XPNPEP3: variants seen among roughly 807,000 people sequenced by gnomAD.
XPNPEP3 encodes the protein X-prolyl aminopeptidase 3.
Under a neutral mutation model 60.0 loss-of-function variants are expected in XPNPEP3, and 41 were observed. The observed-to-expected ratio is 0.68, with a 90% CI of 0.53 to 0.89. The LOEUF is 0.89. Ranked by LOEUF, XPNPEP3 falls within the 40% of genes least tolerant of loss-of-function variation. The pLI, the probability that XPNPEP3 is intolerant of heterozygous loss-of-function variation, is 0.00. For missense variants in XPNPEP3, 598 were observed against 638.9 expected (o/e 0.94, Z 0.69); for synonymous variants, 212 against 223.2 (o/e 0.95, Z 0.45).
intron 1 of XPNPEP3, chr22:40,862,648 A>G: frequency 1.0e-6 from 1 of 985,472 alleles, no homozygotes; most frequent in African/African-American, 1.7e-5. Flanking sequence ...TGGAGGAAGT[A>G]GCCTGATATG....
In XPNPEP3 at chr22:40,861,071, A is replaced by G. The variant is rs145402169; in HGVS notation, c.64+3826A>G. The G allele has an allele frequency of 1.5e-5, 23 of 1,580,936 alleles. 1 individual carries two copies. In the African/African-American group the frequency reaches 3.0e-4, roughly 21 times the overall value. ...ATATATTTGAAGAGTCAATTTAACA[A>G]TTCCTTTTGGTAGACTTCTTTTGCA... is the stretch of plus-strand genomic sequence containing the variant. On this transcript the variant is annotated intron_variant, in intron 1 of 9. Coordinates refer to ENST00000357137, the MANE Select transcript of XPNPEP3 (RefSeq NM_022098.4).
At chr22:40,880,183 A>T (rs2058042115) in intron 2 of XPNPEP3, among the ~76,000 whole-genome samples, 1 of 152,128 alleles carries the variant, frequency 6.6e-6, no homozygotes, top group Non-Finnish European at 1.5e-5. Context: ...AAGTACTAAG[A>T]TATAAGTACA....
chr22:40,869,781 A>G (rs1224432694), intron 2 of XPNPEP3, among the ~76,000 whole-genome samples: 1 of 152,192 alleles, frequency 6.6e-6, no homozygotes, highest in Admixed American at 6.5e-5. Context: ...GATTTCTTGC[A>G]CTTAAGGGGT....
At position 40,924,352 on chromosome 22, in the gene XPNPEP3, T is replaced by C. The variant is rs761465518; in HGVS notation, c.1237-10T>C. ...TGCTCTAATGATACTGTGACAATTA[T>C]CTTTTCCAGGCTGCTCGAAAATACT... On this transcript the variant is annotated splice_polypyrimidine_tract_variant and intron_variant, in intron 8 of 9. Coordinates refer to ENST00000357137, the MANE Select transcript of XPNPEP3 (RefSeq NM_022098.4). 1.2e-6 allele frequency: 2 copies of C among 1,614,092 alleles called. No individual in the cohort carries two copies. Among genetic ancestry groups the C allele is most frequent in the East Asian group, 2.2e-5 (1 of 44,882 alleles).
chr22:40,903,195 C>A (rs1272645924), intron 4 of XPNPEP3, among the ~76,000 whole-genome samples: 1 of 152,170 alleles, frequency 6.6e-6, no homozygotes, highest in Non-Finnish European at 1.5e-5. Flanking sequence ...CAGAACAGCT[C>A]AGGCTAATTT....
At chr22:40,886,895 A>C (rs2058071578) in intron 4 of XPNPEP3, among the ~76,000 whole-genome samples, 1 of 151,880 alleles carries the variant, frequency 6.6e-6, no homozygotes, top group South Asian at 2.1e-4. Context: ...TAAGCTCTTG[A>C]GGTCGTATAC....
At chr22:40,877,163 A>G (rs988877152) in intron 2 of XPNPEP3, among the ~76,000 whole-genome samples, 16 of 152,170 alleles carry the variant, frequency 1.1e-4, no homozygotes, top group African/African-American at 3.9e-4. Flanking sequence ...TTTGCTCAAT[A>G]TATGCAAATC....
In XPNPEP3 at chr22:40,926,891, A is replaced by G. The variant is rs1333466052; in HGVS notation, c.*456A>G. On this transcript the variant is annotated 3_prime_UTR_variant, in exon 10 of 10. Transcript: ENST00000357137. The stretch of plus-strand genomic sequence containing the variant: ...TTACCAAGGTCTCTGCCTATGCAAA[A>G]ATTCATCTTTCGGTGATTGTGGGCG... 4.2e-6 allele frequency: 1 copy of G among 238,168 alleles called. No individual in the cohort carries two copies. The highest frequency in any genetic ancestry group is 2.3e-5 in the African/African-American group (1 of 42,858). The allele number at this position is 238,168 out of a possible 1,614,324, so 14.8% of individuals were successfully genotyped here.
In XPNPEP3 at chr22:40,931,771, G is replaced by A. The variant is rs1005345161; in HGVS notation, c.*5336G>A. 6.6e-6 allele frequency: 1 copy of A among 152,088 alleles called. No homozygotes were observed. Among genetic ancestry groups the A allele is most frequent in the African/African-American group, 2.4e-5 (1 of 41,406 alleles). The allele number at this position is 152,088 out of a possible 1,614,324, so 9.4% of individuals were successfully genotyped here. On this transcript the variant is annotated 3_prime_UTR_variant, in exon 10 of 10. Coordinates refer to ENST00000357137, the MANE Select transcript of XPNPEP3 (RefSeq NM_022098.4). The stretch of plus-strand genomic sequence containing the variant: ...CTCCTCTCATAATCATAGTATCCAC[G>A]TTAGGAAAATGCTTCTGAGAGTAAC...
intron 2 of XPNPEP3, among the ~76,000 whole-genome samples, chr22:40,880,734 A>G (rs2058044147): frequency 6.6e-6 from 1 of 150,938 alleles, no homozygotes; most frequent in Non-Finnish European, 1.5e-5. Context: ...AGGCTGAGGC[A>G]GGCCAAGATT....
chr22:40,887,263 G>T lies in XPNPEP3; in HGVS notation c.792+748G>T, dbSNP rs374103828. On this transcript the variant is annotated intron_variant, in intron 4 of 9. Coordinates refer to ENST00000357137, the MANE Select transcript of XPNPEP3 (RefSeq NM_022098.4). ...CAGCCAATGGCTGTCTCAAAGCAAG[G>T]AGTCTAGAGAAGCCAGGTGCAGGCT... Among the ~76,000 whole-genome samples, 27 of 152,254 alleles carry T rather than the reference G, an allele frequency of 1.8e-4. No individual in the cohort carries two copies. The East Asian group carries it at 3.5e-3, about 20-fold the overall frequency.
intron 4 of XPNPEP3, among the ~76,000 whole-genome samples, chr22:40,897,282 C>T (rs1208787832): frequency 6.6e-6 from 1 of 152,088 alleles, no homozygotes; most frequent in Non-Finnish European, 1.5e-5. Flanking sequence ...CCCACCTCGG[C>T]CTCCCAAAGT....
chr22:40,896,262 C>T (rs151059327), intron 4 of XPNPEP3, among the ~76,000 whole-genome samples: 4 of 152,114 alleles, frequency 2.6e-5, no homozygotes, highest in Non-Finnish European at 4.4e-5. Flanking sequence ...CTCCTGAGCT[C>T]GAGCACTCTG....
rs529275175 is a variant in XPNPEP3 at position 40,857,328 on chromosome 22, G to A, written c.64+83G>A. On this transcript the variant is annotated intron_variant, in intron 1 of 9. Transcript: ENST00000357137. ...GTCTCAGGCGATCCCTGGTTCGGCT[G>A]ACCCTTCTCCTGGTGGGGCCTCCGC... 3.1e-5 allele frequency: 47 copies of A among 1,503,666 alleles called. No homozygotes were observed. The African/African-American group carries it at 4.2e-4, about 13-fold the overall frequency. The allele number at this position is 1,503,666 out of a possible 1,614,324, so 93.1% of individuals were successfully genotyped here.
Position 40,929,606 on chromosome 22 carries a change from T to A in XPNPEP3, c.*3171T>A, listed in dbSNP as rs979558121. 1 of 152,090 alleles carries A rather than the reference T, an allele frequency of 6.6e-6. No homozygotes were observed. Among genetic ancestry groups the A allele is most frequent in the African/African-American group, 2.4e-5 (1 of 41,396 alleles). 9.4% of individuals were successfully genotyped at this position (152,090 alleles called of 1,614,324 possible). A position where few individuals can be genotyped will look rare whatever the true frequency, so the allele number is the denominator to read the frequency against. ...TTAGATTCCAGTCAAGTTCTATAGG[T>A]GTTATTGGTAGGCAGAAAGGCTGTT... On this transcript the variant is annotated 3_prime_UTR_variant, in exon 10 of 10. Transcript: ENST00000357137.
chr22:40,895,470 G>A (rs2058104270), intron 4 of XPNPEP3, among the ~76,000 whole-genome samples: 1 of 151,716 alleles, frequency 6.6e-6, no homozygotes. Context: ...AAGTAGCTGG[G>A]ATTACAGACG....
intron 2 of XPNPEP3, 132 bp from the exon 3 acceptor site, chr22:40,881,638 T>C (rs879283729): frequency 9.2e-7 from 1 of 1,084,902 alleles, no homozygotes; most frequent in Admixed American, 2.0e-5. Context: ...TCTCCTTAAT[T>C]CTCCATGTGC....
chr22:40,871,220 G>T (rs1339834238), intron 2 of XPNPEP3, among the ~76,000 whole-genome samples: 1 of 151,968 alleles, frequency 6.6e-6, no homozygotes, highest in African/African-American at 2.4e-5. Flanking sequence ...AAAAATTAGT[G>T]CTCCTGCCTA....
chr22:40,905,919 G>A (rs2058153237), intron 4 of XPNPEP3, among the ~76,000 whole-genome samples: 2 of 152,064 alleles, frequency 1.3e-5, no homozygotes, highest in African/African-American at 2.4e-5. Context: ...AGCCTCCTGA[G>A]TAGCTGGGAT....
Sources: gnomAD v4.1 joint callset for allele counts (sites outside exome capture counted in the v4.1 genomes callset) on GRCh38, gnomAD v4.1.1 for gene constraint, MANE v1.5 for transcripts, NCBI Gene and HGNC (gene_info 2026-07-23, HGNC 2026-07-21) for gene names.